NRXN3: variants seen among roughly 807,000 people sequenced by gnomAD.
NRXN3 encodes the protein neurexin III.
NRXN3 carries 32 observed loss-of-function variants against 137.6 expected under a neutral mutation model. That is an observed-to-expected ratio of 0.23 (90% CI 0.18 to 0.31). The LOEUF (loss-of-function observed/expected upper bound fraction) is 0.31. Among genes scored for constraint, NRXN3 ranks in the 10% least tolerant of loss-of-function variants. The pLI is 1.00. For synonymous variants in NRXN3, 798 were observed against 784.5 expected (o/e 1.02, Z -0.29); for missense variants, 1,574 against 2,062.5 (o/e 0.76, Z 4.59).
intron 16 of NRXN3, among the ~76,000 whole-genome samples, chr14:79,634,612 A>G (rs961852915): frequency 2.0e-5 from 3 of 152,168 alleles, no homozygotes; most frequent in African/African-American, 4.8e-5. Flanking sequence ...AAAGGAATGG[A>G]GACTCAAAGC....
chr14:78,217,609 A>G (rs2153420686), intron 1 of NRXN3, among the ~76,000 whole-genome samples: 1 of 152,290 alleles, frequency 6.6e-6, no homozygotes, highest in African/African-American at 2.4e-5. Flanking sequence ...TCTGAATGGT[A>G]TTGTATTGTG....
chr14:78,555,572 C>T (rs1011759172), intron 4 of NRXN3, among the ~76,000 whole-genome samples: 5 of 152,234 alleles, frequency 3.3e-5, no homozygotes, highest in African/African-American at 9.6e-5. Flanking sequence ...AAGGATACAA[C>T]TTTTGACTTG....
At chr14:78,737,018 G>A (rs1227579716) in intron 8 of NRXN3, among the ~76,000 whole-genome samples, 1 of 152,118 alleles carries the variant, frequency 6.6e-6, no homozygotes, top group Non-Finnish European at 1.5e-5. Context: ...TTAGCACTTG[G>A]TATATCCTCT....
At chr14:78,487,022 G>C (rs993349822) in intron 4 of NRXN3, among the ~76,000 whole-genome samples, 4 of 152,156 alleles carry the variant, frequency 2.6e-5, no homozygotes, top group African/African-American at 4.8e-5. Context: ...ACGTAGGCCT[G>C]TATGTCCCCA....
intron 17 of NRXN3, among the ~76,000 whole-genome samples, chr14:79,682,772 C>T (rs1444880760): frequency 6.6e-6 from 1 of 152,050 alleles, no homozygotes; most frequent in Non-Finnish European, 1.5e-5. Context: ...CTCCTTCTCT[C>T]AAATTATAAG....
chr14:78,568,600 G>T (rs574880994), intron 4 of NRXN3, among the ~76,000 whole-genome samples: 1 of 152,240 alleles, frequency 6.6e-6, no homozygotes, highest in East Asian at 1.9e-4. Context: ...CAACAGTATT[G>T]ATTTTCTTTA....
intron 15 of NRXN3, among the ~76,000 whole-genome samples, chr14:79,434,879 T>A (rs1438664511): frequency 6.6e-6 from 1 of 152,212 alleles, no homozygotes; most frequent in Non-Finnish European, 1.5e-5. Flanking sequence ...TGAGTCTTTG[T>A]ACCTCCCGTG....
chr14:78,719,551 G>A (rs1213355395), intron 8 of NRXN3, among the ~76,000 whole-genome samples: 1 of 152,164 alleles, frequency 6.6e-6, no homozygotes, highest in Non-Finnish European at 1.5e-5. Context: ...AAATAGTAGG[G>A]TTGGCAGAGG....
At chr14:79,189,688 G>A (rs1201633343) in intron 15 of NRXN3, among the ~76,000 whole-genome samples, 1 of 152,094 alleles carries the variant, frequency 6.6e-6, no homozygotes, top group African/African-American at 2.4e-5. Context: ...CAGGGTACAT[G>A]CAATATAGGC....
intron 15 of NRXN3, among the ~76,000 whole-genome samples, chr14:79,428,101 A>G (rs926192598): frequency 1.3e-5 from 2 of 152,138 alleles, no homozygotes; most frequent in African/African-American, 4.8e-5. Flanking sequence ...GACTCTGATT[A>G]GGGGGCACTG....
intron 15 of NRXN3, among the ~76,000 whole-genome samples, chr14:79,431,222 T>C (rs1471315315): frequency 6.6e-6 from 1 of 152,234 alleles, no homozygotes; most frequent in Admixed American, 6.5e-5. Flanking sequence ...AGCAAATACC[T>C]GGCTCTAGCC....
intron 20 of NRXN3, among the ~76,000 whole-genome samples, chr14:79,818,258 G>T (rs945674232): frequency 4.6e-5 from 7 of 151,842 alleles, no homozygotes; most frequent in African/African-American, 9.7e-5. Context: ...TTTCACCGTG[G>T]TAGCCAGGAT....
chr14:78,618,623 T>A (rs1458797857), intron 4 of NRXN3, among the ~76,000 whole-genome samples: 1 of 152,214 alleles, frequency 6.6e-6, no homozygotes, highest in Non-Finnish European at 1.5e-5. Flanking sequence ...AGAGAGAATG[T>A]TCTCCCAGGA....
chr14:78,192,643 G>T (rs1367058621), intron 1 of NRXN3, among the ~76,000 whole-genome samples: 2 of 152,068 alleles, frequency 1.3e-5, no homozygotes, highest in African/African-American at 4.8e-5. Flanking sequence ...GAGGATGAGG[G>T]AGAGATCAGT....
rs74682970 is a variant in NRXN3 at position 79,624,895 on chromosome 14, C to G, written c.3445-38883C>G. Reference sequence around the variant, plus strand: ...TCCAGCTCACTGCAGCCTCAACTTCCCAGGCTCCAGGGATTCTGTCACATC... The same window carrying G: ...TCCAGCTCACTGCAGCCTCAACTTCGCAGGCTCCAGGGATTCTGTCACATC... On this transcript the variant is annotated intron_variant, in intron 16 of 20. Coordinates refer to ENST00000335750, the MANE Select transcript of NRXN3 (RefSeq NM_001330195.2). Among the ~76,000 whole-genome samples the G allele has an allele frequency of 3.4e-3, 521 of 151,592 alleles. 3 individuals are homozygous for G. Among genetic ancestry groups the G allele is most frequent in the African/African-American group, 0.012 (504 of 41,060 alleles).
At chr14:79,456,145 A>T (rs1370458531) in intron 15 of NRXN3, among the ~76,000 whole-genome samples, 2 of 152,208 alleles carry the variant, frequency 1.3e-5, no homozygotes, top group Non-Finnish European at 2.9e-5. Context: ...TATAGAAATC[A>T]TTAAGGATTT....
chr14:78,230,017 A>T (rs1467065134), intron 1 of NRXN3, among the ~76,000 whole-genome samples: 1 of 151,716 alleles, frequency 6.6e-6, no homozygotes. Flanking sequence ...AGATCCCTTT[A>T]TTTTTATTTA....
At chr14:79,143,241 C>G (rs1763409076) in intron 15 of NRXN3, among the ~76,000 whole-genome samples, 1 of 152,178 alleles carries the variant, frequency 6.6e-6, no homozygotes, top group Non-Finnish European at 1.5e-5. Context: ...GAATTTAAAT[C>G]TATATATAGT....
At chr14:79,440,128 A>G (rs1280383230) in intron 15 of NRXN3, among the ~76,000 whole-genome samples, 2 of 152,236 alleles carry the variant, frequency 1.3e-5, no homozygotes, top group Non-Finnish European at 2.9e-5. Flanking sequence ...AAAGAAGTGG[A>G]TGGTTTTAGC....
Sources: allele counts gnomAD v4.1 joint callset (sites outside exome capture counted in the v4.1 genomes callset), GRCh38; gene constraint gnomAD v4.1.1; transcripts MANE v1.5; gene names NCBI Gene and HGNC (gene_info 2026-07-23, HGNC 2026-07-21).